Variants in DCC observed in about 807,000 individuals in gnomAD.
The protein encoded by DCC is DCC netrin 1 receptor.
In DCC, 58 loss-of-function variants were observed where a neutral mutation model predicts 172.5. That is an observed-to-expected ratio of 0.34 (90% CI 0.27 to 0.42). DCC has a LOEUF of 0.42. Among genes scored for constraint, DCC ranks in the 10% least tolerant of loss-of-function variants. The pLI, the probability that DCC is intolerant of heterozygous loss-of-function variation, is 1.00. For missense variants in DCC, 1,740 were observed against 1,791.0 expected (o/e 0.97, Z 0.51); for synonymous variants, 709 against 644.5 (o/e 1.10, Z -1.52).
chr18:52,979,498 A>T (rs2041172642), intron 5 of DCC, among the ~76,000 whole-genome samples: 1 of 152,152 alleles, frequency 6.6e-6, no homozygotes, highest in African/African-American at 2.4e-5. Context: ...TTGCTAACTC[A>T]CTCAGGTTGC....
chr18:52,499,589 A>G (rs1244860822), intron 1 of DCC, among the ~76,000 whole-genome samples: 1 of 152,158 alleles, frequency 6.6e-6, no homozygotes, highest in Non-Finnish European at 1.5e-5. Context: ...GGCAGCCATC[A>G]TTAACATGAG....
chr18:53,461,987 C>G (rs567272923), intron 24 of DCC, among the ~76,000 whole-genome samples: 2 of 152,166 alleles, frequency 1.3e-5, no homozygotes, highest in Non-Finnish European at 2.9e-5. Context: ...AACACTGTTA[C>G]ATCTTTTCCC....
At chr18:53,146,285 T>G (rs2043912779) in intron 7 of DCC, among the ~76,000 whole-genome samples, 1 of 152,142 alleles carries the variant, frequency 6.6e-6, no homozygotes, top group Non-Finnish European at 1.5e-5. Flanking sequence ...GAAATTTATT[T>G]CTTACAGTTC....
intron 21 of DCC, among the ~76,000 whole-genome samples, chr18:53,424,644 G>C (rs201007640): frequency 6.6e-6 from 1 of 151,926 alleles, no homozygotes; most frequent in African/African-American, 2.4e-5. Flanking sequence ...ATTACCGGGG[G>C]AAGAGTAGCT....
chr18:53,524,741 A>T (rs2046436279), intron 27 of DCC, among the ~76,000 whole-genome samples: 1 of 151,914 alleles, frequency 6.6e-6, no homozygotes, highest in African/African-American at 2.4e-5. Flanking sequence ...TCCTCAAAAA[A>T]CCCATGTAAA....
intron 1 of DCC, among the ~76,000 whole-genome samples, chr18:52,646,797 T>A (rs567131637): frequency 1.8e-4 from 27 of 152,286 alleles, no homozygotes; most frequent in Admixed American, 5.9e-4. Context: ...AGGATGCTCA[T>A]CAAACCTAGT....
At chr18:53,470,699 C>T (rs1005810195) in intron 25 of DCC, among the ~76,000 whole-genome samples, 4 of 152,020 alleles carry the variant, frequency 2.6e-5, no homozygotes, top group Admixed American at 6.6e-5. Context: ...AAAGCAAGTA[C>T]CTTCTTCACA....
intron 18 of DCC, among the ~76,000 whole-genome samples, chr18:53,399,550 G>A (rs1049549904): frequency 6.6e-6 from 1 of 152,096 alleles, no homozygotes; most frequent in Non-Finnish European, 1.5e-5. Flanking sequence ...AAACTTAAAT[G>A]TTACCTTCCA....
chr18:52,426,554 A>G (rs1987433924), intron 1 of DCC, among the ~76,000 whole-genome samples: 1 of 151,994 alleles, frequency 6.6e-6, no homozygotes, highest in Admixed American at 6.6e-5. Context: ...AAACAAATCA[A>G]TAATCACCCC....
intron 27 of DCC, among the ~76,000 whole-genome samples, chr18:53,516,631 G>A (rs933121130): frequency 4.0e-5 from 6 of 151,108 alleles, no homozygotes; most frequent in Non-Finnish European, 7.3e-5. Flanking sequence ...TCAAAAAGTG[G>A]GCAAAGCACA....
intron 8 of DCC, among the ~76,000 whole-genome samples, chr18:53,172,386 C>G (rs2055026654): frequency 6.6e-6 from 1 of 152,090 alleles, no homozygotes; most frequent in African/African-American, 2.4e-5. Flanking sequence ...CTGGTCATGA[C>G]AAGATCAATC....
chr18:53,101,243 G>T (rs2043168363), intron 7 of DCC, among the ~76,000 whole-genome samples: 1 of 152,084 alleles, frequency 6.6e-6, no homozygotes, highest in Non-Finnish European at 1.5e-5. Flanking sequence ...TTCTCTGGAG[G>T]TGTCTTGGGC....
intron 7 of DCC, among the ~76,000 whole-genome samples, chr18:53,142,314 G>A (rs1160237759): frequency 6.6e-5 from 10 of 152,276 alleles, no homozygotes; most frequent in Admixed American, 2.6e-4. Flanking sequence ...TTTGGAAGTC[G>A]GGTGGTGCAC....
chr18:53,107,416 T>C (rs2043265103), intron 7 of DCC, among the ~76,000 whole-genome samples: 1 of 151,640 alleles, frequency 6.6e-6, no homozygotes. Flanking sequence ...AGAATTTCTG[T>C]TTGACAGTGA....
chr18:53,491,921 C>A (rs2045963385), intron 26 of DCC, among the ~76,000 whole-genome samples: 1 of 152,212 alleles, frequency 6.6e-6, no homozygotes, highest in South Asian at 2.1e-4. Flanking sequence ...AATTTACACT[C>A]CAACCAACAG....
chr18:53,296,346 G>T (rs534443169), intron 12 of DCC, among the ~76,000 whole-genome samples: 1 of 152,090 alleles, frequency 6.6e-6, no homozygotes, highest in African/African-American at 2.4e-5. Flanking sequence ...AAGTAGTTCT[G>T]ATTTACTACA....
At position 53,086,006 on chromosome 18, in the gene DCC, C is replaced by CCTTCTCCTT. The variant is rs2042878272; in HGVS notation, c.1261+19843_1261+19851dup. ...TTCTTCTTCTCCTTCTCCTTCTTCT[C>CCTTCTCCTT]CTTCTCCTTCTCCCTCTCCCTCTCC... On this transcript the variant is annotated intron_variant, in intron 7 of 28. Coordinates refer to ENST00000442544, the MANE Select transcript of DCC (RefSeq NM_005215.4). Among the ~76,000 whole-genome samples, 2 of 19,284 alleles carry CCTTCTCCTT rather than the reference C, an allele frequency of 1.0e-4. 1 individual carries two copies. The highest frequency in any genetic ancestry group is 1.9e-3 in the African/African-American group (2 of 1,040). The allele number at this position is 19,284 out of a possible 152,430, so 12.7% of individuals were successfully genotyped here.
intron 8 of DCC, among the ~76,000 whole-genome samples, chr18:53,171,802 G>A (rs183719599): frequency 2.1e-3 from 314 of 151,484 alleles, no homozygotes; most frequent in African/African-American, 7.4e-3. Context: ...CGTCAGAAAT[G>A]CAAATCAAAA....
intron 1 of DCC, among the ~76,000 whole-genome samples, chr18:52,551,018 A>G (rs1598906947): frequency 6.6e-6 from 1 of 152,146 alleles, no homozygotes; most frequent in Admixed American, 6.6e-5. Context: ...GGACAAATGT[A>G]TTTGTATCTT....
Sources: gnomAD v4.1 joint callset for allele counts (sites outside exome capture counted in the v4.1 genomes callset) on GRCh38, gnomAD v4.1.1 for gene constraint, MANE v1.5 for transcripts, NCBI Gene and HGNC (gene_info 2026-07-23, HGNC 2026-07-21) for gene names.